The following COL26A1 variants were observed in gnomAD, a reference collection of about 807,000 sequenced individuals.
COL26A1 encodes the protein collagen alpha-1(XXVI) chain.
COL26A1 carries 41 observed loss-of-function variants against 59.3 expected under a neutral mutation model. The observed-to-expected ratio is 0.69, with a 90% CI of 0.54 to 0.90. COL26A1 has a LOEUF of 0.90. Among genes scored for constraint, COL26A1 ranks in the 40% least tolerant of loss-of-function variants. COL26A1 has a pLI of 0.00. For missense variants in COL26A1, 612 were observed against 602.3 expected, an observed-to-expected ratio of 1.02 and a Z score of -0.17; for synonymous variants, 266 against 256.0, an observed-to-expected ratio of 1.04 and a Z score of -0.37.
chr7:101,478,643 A>G (rs1258273925), intron 3 of COL26A1, among the ~76,000 whole-genome samples: 1 of 152,166 alleles, frequency 6.6e-6, no homozygotes, highest in Non-Finnish European at 1.5e-5. Flanking sequence ...TTAACTTTTT[A>G]TTTTGAAATA....
chr7:101,388,438 A>C (rs1475749315), intron 1 of COL26A1, among the ~76,000 whole-genome samples: 2 of 151,854 alleles, frequency 1.3e-5, no homozygotes, highest in Non-Finnish European at 2.9e-5. Flanking sequence ...GCGCCATTAC[A>C]CTTCAGCCTG....
At position 101,545,387 on chromosome 7, in the gene COL26A1, C is replaced by T; in HGVS notation, c.753C>T (p.Arg251=). Residue 251 remains arginine, a synonymous_variant, in exon 7 of 13, where the codon CGC becomes CGT. Transcript: ENST00000313669. Reference sequence around the variant, plus strand: ...GTGGGCTTCCTGGAGAGATGGGGCGCCCCGGCCCCCCAGGACCACCCGGCC... The same window carrying T: ...GTGGGCTTCCTGGAGAGATGGGGCGTCCCGGCCCCCCAGGACCACCCGGCC... The part of the protein sequence containing the change: ...GPRGLPGEMG[R]PGPPGPPGPA... The T allele has an allele frequency of 1.3e-6, 2 of 1,588,912 alleles. No homozygotes were observed. The highest frequency in any genetic ancestry group is 2.1e-4 in the Middle Eastern group (1 of 4,854).
chr7:101,434,370 C>T (rs1227126187), intron 2 of COL26A1, among the ~76,000 whole-genome samples: 1 of 151,892 alleles, frequency 6.6e-6, no homozygotes, highest in African/African-American at 2.4e-5. Context: ...CCTCCCATCT[C>T]AGCCTCCCGA....
At chr7:101,441,602 G>A (rs1239979601) in intron 2 of COL26A1, among the ~76,000 whole-genome samples, 1 of 152,196 alleles carries the variant, frequency 6.6e-6, no homozygotes, top group Non-Finnish European at 1.5e-5. Context: ...ACAGGCGTGA[G>A]CCACCGTGCC....
At chr7:101,365,635 GCTGGT>G (rs1937075094) in intron 1 of COL26A1, among the ~76,000 whole-genome samples, 1 of 151,986 alleles carries the variant, frequency 6.6e-6, no homozygotes, top group African/African-American at 2.4e-5. Flanking sequence ...CGTTGGCCAG[GCTGGT>G]CTCAAACTCC....
chr7:101,451,685 A>G (rs1362059341), intron 3 of COL26A1, among the ~76,000 whole-genome samples: 2 of 150,628 alleles, frequency 1.3e-5, no homozygotes, highest in Admixed American at 6.6e-5. Flanking sequence ...TATTGTCTCT[A>G]CTGAAAAGAA....
chr7:101,414,171 T>A (rs1252876803), intron 1 of COL26A1, among the ~76,000 whole-genome samples: 5 of 152,168 alleles, frequency 3.3e-5, no homozygotes, highest in African/African-American at 1.2e-4. Context: ...CAAGTTTTGA[T>A]TTTTGGAAGC....
intron 3 of COL26A1, among the ~76,000 whole-genome samples, chr7:101,530,976 G>GT (rs1183371072): frequency 2.0e-5 from 3 of 149,858 alleles, no homozygotes; most frequent in East Asian, 3.9e-4. Context: ...TTGTTTTTTT[G>GT]TTTTTTTGTT....
chr7:101,480,722 C>T (rs543761315), intron 3 of COL26A1, among the ~76,000 whole-genome samples: 9 of 152,220 alleles, frequency 5.9e-5, no homozygotes, highest in African/African-American at 2.2e-4. Context: ...AGGCTGGTCT[C>T]GAACTCTTGG....
At chr7:101,529,253 C>T (rs1436022271) in intron 3 of COL26A1, among the ~76,000 whole-genome samples, 1 of 152,138 alleles carries the variant, frequency 6.6e-6, no homozygotes, top group African/African-American at 2.4e-5. Flanking sequence ...TTGTAGTGCA[C>T]CCATCACCCA....
chr7:101,411,363 G>A (rs1003015943), intron 1 of COL26A1, among the ~76,000 whole-genome samples: 2 of 152,062 alleles, frequency 1.3e-5, no homozygotes, highest in East Asian at 3.9e-4. Flanking sequence ...TCGCGGGAGG[G>A]ACACGGCCAC....
intron 3 of COL26A1, among the ~76,000 whole-genome samples, chr7:101,495,026 C>A (rs950067584): frequency 6.6e-6 from 1 of 152,150 alleles, no homozygotes; most frequent in Non-Finnish European, 1.5e-5. Flanking sequence ...GGAGCTGCTG[C>A]GGTTTAAGAA....
In COL26A1 at chr7:101,473,836, G is replaced by A. The variant is rs911236738; in HGVS notation, c.385+26049G>A. ...TCCACCAAACCGCAGCTGTGTGACAGAGTGAAACCCTGTCTCAAAGAAAAA... is the reference window on the plus strand; with the variant it reads ...TCCACCAAACCGCAGCTGTGTGACAAAGTGAAACCCTGTCTCAAAGAAAAA... On this transcript the variant is annotated intron_variant, in intron 3 of 12. Transcript: ENST00000313669. Among the ~76,000 whole-genome samples, 16 of 149,422 alleles carry A rather than the reference G, an allele frequency of 1.1e-4. No individual in the cohort carries two copies. The East Asian group carries it at 2.9e-3, about 27-fold the overall frequency.
At chr7:101,463,680 G>A (rs111203705) in intron 3 of COL26A1, among the ~76,000 whole-genome samples, 51,656 of 104,838 alleles carry the variant, frequency 0.49, 12,393 homozygotes, top group African/African-American at 0.55. Flanking sequence ...CCTCCCTCCC[G>A]TCCCCTTTCT....
chr7:101,506,267 T>C (rs1794810922), intron 3 of COL26A1, among the ~76,000 whole-genome samples: 1 of 152,246 alleles, frequency 6.6e-6, no homozygotes, highest in South Asian at 2.1e-4. Flanking sequence ...GTCACTGGCA[T>C]ATTGCAAGCA....
At chr7:101,420,694 C>T (rs1044495328) in intron 2 of COL26A1, among the ~76,000 whole-genome samples, 1 of 123,046 alleles carries the variant, frequency 8.1e-6, no homozygotes, top group African/African-American at 3.0e-5. Context: ...CGCCCCTCAC[C>T]AGCCACACCC....
chr7:101,525,681 A>G (rs989100843), intron 3 of COL26A1, among the ~76,000 whole-genome samples: 94 of 150,896 alleles, frequency 6.2e-4, no homozygotes, highest in Non-Finnish European at 1.0e-3. Flanking sequence ...TATTTTTAGT[A>G]GAGACGGGGT....
chr7:101,489,852 T>G (rs1166487042), intron 3 of COL26A1, among the ~76,000 whole-genome samples: 1 of 27,170 alleles, frequency 3.7e-5, no homozygotes. Flanking sequence ...CTTTCTTTCT[T>G]TCTTTCTTTC....
intron 2 of COL26A1, among the ~76,000 whole-genome samples, chr7:101,443,313 G>C (rs781367327): frequency 4.6e-5 from 7 of 152,088 alleles, no homozygotes; most frequent in Non-Finnish European, 7.3e-5. Flanking sequence ...GCTACCCCCA[G>C]ATCTCCAGGG....
Sources: gnomAD v4.1 joint callset for allele counts (sites outside exome capture counted in the v4.1 genomes callset) on GRCh38, gnomAD v4.1.1 for gene constraint, MANE v1.5 for transcripts, NCBI Gene and HGNC (gene_info 2026-07-23, HGNC 2026-07-21) for gene names.